Variants in CIRSR observed in about 807,000 individuals in gnomAD.
CIRSR encodes the protein corepressor of RBPJ and splicing regulator, also known as CBF1 (RBPJ) interacting corepressor 1.
At chr2:174,381,704 C>CT in the CIRSR span, 2 of 1,579,024 alleles carry the variant, frequency 1.3e-6, no homozygotes, top group East Asian at 2.3e-5. Context: ...AGATAAGTAC[C>CT]TTTTTTAGCT....
the CIRSR span, among the ~76,000 whole-genome samples, chr2:174,375,463 C>T: frequency 6.6e-6 from 1 of 152,036 alleles, no homozygotes; most frequent in African/African-American, 2.4e-5. Flanking sequence ...CAAAAATTAG[C>T]TGGGCATGGT....
the CIRSR span, among the ~76,000 whole-genome samples, chr2:174,364,419 T>C: frequency 6.6e-6 from 1 of 152,222 alleles, no homozygotes. Context: ...TCTACCATTC[T>C]GGGGTCTGCA....
At chr2:174,388,856 G>A in the CIRSR span, among the ~76,000 whole-genome samples, 3 of 152,106 alleles carry the variant, frequency 2.0e-5, no homozygotes, top group Non-Finnish European at 4.4e-5. Flanking sequence ...TCATGGGGGC[G>A]GTTACACTTC....
At chr2:174,366,576 A>G in the CIRSR span, among the ~76,000 whole-genome samples, 1 of 152,208 alleles carries the variant, frequency 6.6e-6, no homozygotes, top group African/African-American at 2.4e-5. Context: ...GGAAAATGAT[A>G]TAAGCCAGAA....
At chr2:174,390,381 G>T in the CIRSR span, among the ~76,000 whole-genome samples, 2 of 152,184 alleles carry the variant, frequency 1.3e-5, no homozygotes, top group Non-Finnish European at 2.9e-5. Flanking sequence ...CCTTTGTTTT[G>T]TCCAAATTGT....
chr2:174,384,571 T>C, the CIRSR span, among the ~76,000 whole-genome samples: 1 of 152,168 alleles, frequency 6.6e-6, no homozygotes, highest in Non-Finnish European at 1.5e-5. Context: ...TATGTGTATT[T>C]TTTATTTATT....
At chr2:174,350,675 T>C in the CIRSR span, 1 of 1,604,584 alleles carries the variant, frequency 6.2e-7, no homozygotes, top group Non-Finnish European at 8.5e-7. Context: ...AAGTTTCTGT[T>C]TTTGTTTGGT....
the CIRSR span, among the ~76,000 whole-genome samples, chr2:174,393,469 C>T: frequency 3.3e-5 from 5 of 152,076 alleles, no homozygotes; most frequent in Non-Finnish European, 7.4e-5. Flanking sequence ...ACCTACTGGA[C>T]TTTAATAAAC....
At chr2:174,348,601 T>C in the CIRSR span, 1 of 1,614,224 alleles carries the variant, frequency 6.2e-7, no homozygotes. Context: ...TCATTTCTTC[T>C]GCTTTGCTCT....
chr2:174,348,536 GTGC>G, the CIRSR span: 1 of 1,613,902 alleles, frequency 6.2e-7, no homozygotes, highest in Non-Finnish European at 8.5e-7. Context: ...TACCTCCTGG[GTGC>G]TCTCTGTACA....
At chr2:174,362,835 T>A in the CIRSR span, among the ~76,000 whole-genome samples, 1 of 151,840 alleles carries the variant, frequency 6.6e-6, no homozygotes, top group Non-Finnish European at 1.5e-5. Flanking sequence ...GAGCCAGCCA[T>A]TGGTAGGAAT....
chr2:174,348,941 G>T, the CIRSR span: 3 of 1,612,754 alleles, frequency 1.9e-6, no homozygotes, highest in South Asian at 3.3e-5. Flanking sequence ...AATCACTGTT[G>T]TTATGCCCTG....
At chr2:174,368,936 GC>G in the CIRSR span, among the ~76,000 whole-genome samples, 7 of 152,064 alleles carry the variant, frequency 4.6e-5, no homozygotes, top group Non-Finnish European at 7.4e-5. Context: ...ATTCTTAAGG[GC>G]CCCAGAATTT....
the CIRSR span, chr2:174,349,280 T>C: frequency 1.4e-6 from 1 of 735,662 alleles, no homozygotes; most frequent in Non-Finnish European, 2.1e-6. Context: ...AAAAATAGTA[T>C]CCATGGCAGA....
chr2:174,395,120 A>G, the CIRSR span, among the ~76,000 whole-genome samples: 1 of 151,018 alleles, frequency 6.6e-6, no homozygotes, highest in Non-Finnish European at 1.5e-5. Context: ...CAACGAGTTT[A>G]GTCATCAAAA....
the CIRSR span, among the ~76,000 whole-genome samples, chr2:174,388,703 G>A: frequency 4.1e-4 from 63 of 151,822 alleles, no homozygotes; most frequent in East Asian, 3.1e-3. Flanking sequence ...ACACACACAC[G>A]CACACAAAAT....
the CIRSR span, chr2:174,348,561 C>CGT: frequency 6.2e-7 from 1 of 1,614,160 alleles, no homozygotes; most frequent in Non-Finnish European, 8.5e-7. Context: ...TTTTTCTCCT[C>CGT]TATACAAGTC....
chr2:174,383,194 T>C, the CIRSR span, among the ~76,000 whole-genome samples: 1 of 152,054 alleles, frequency 6.6e-6, no homozygotes, highest in Non-Finnish European at 1.5e-5. Flanking sequence ...CCAGAATAGG[T>C]AAATCTATAG....
the CIRSR span, among the ~76,000 whole-genome samples, chr2:174,376,679 T>C: frequency 6.6e-6 from 1 of 151,368 alleles, no homozygotes; most frequent in Non-Finnish European, 1.5e-5. Context: ...GCACCTGTAG[T>C]CCCAGCTACT....
Sources: allele counts gnomAD v4.1 joint callset (sites outside exome capture counted in the v4.1 genomes callset), GRCh38; gene constraint gnomAD v4.1.1; transcripts MANE v1.5; gene names NCBI Gene and HGNC (gene_info 2026-07-23, HGNC 2026-07-21).